RIMKLA: variants seen among roughly 807,000 people sequenced by gnomAD.
The protein encoded by RIMKLA is ribosomal modification protein rimK like family member A.
RIMKLA carries 14 observed loss-of-function variants against 32.7 expected under a neutral mutation model. The observed-to-expected ratio is 0.43, with a 90% CI of 0.28 to 0.67. The LOEUF is 0.67. Among genes scored for constraint, RIMKLA ranks in the 30% least tolerant of loss-of-function variants. RIMKLA has a pLI of 0.18. For synonymous variants in RIMKLA, 176 were observed against 204.1 expected, an observed-to-expected ratio of 0.86 and a Z score of 1.18; for missense variants, 410 against 519.0, an observed-to-expected ratio of 0.79 and a Z score of 2.04.
In RIMKLA at chr1:42,385,767, CTTTG is replaced by C. The variant is rs1394884802; in HGVS notation, c.163+4674_163+4677del. On this transcript the variant is annotated intron_variant, in intron 1 of 4. Coordinates refer to ENST00000431473, the MANE Select transcript of RIMKLA (RefSeq NM_173642.4). ...TCTTTCTTTCTTTCTTTCTTTCTTTCTTTGTTTCTTTGTTTGTTTGTTTCTTTCT... is the reference window on the plus strand; with the variant it reads ...TCTTTCTTTCTTTCTTTCTTTCTTTCTTTCTTTGTTTGTTTGTTTCTTTCT... Among the ~76,000 whole-genome samples, 59 of 73,714 alleles carry C rather than the reference CTTTG, an allele frequency of 8.0e-4. 2 individuals are homozygous for C. Among genetic ancestry groups the C allele is most frequent in the African/African-American group, 2.9e-3 (39 of 13,414 alleles). The allele number at this position is 73,714 out of a possible 152,430, so 48.4% of individuals were successfully genotyped here. A position where few individuals can be genotyped will look rare whatever the true frequency, so the allele number is the denominator to read the frequency against.
Position 42,380,920 on chromosome 1 carries a change from A to C in RIMKLA, c.-15A>C, listed in dbSNP as rs1253759133. On this transcript the variant is annotated 5_prime_UTR_variant, in exon 1 of 5. Coordinates refer to ENST00000431473, the MANE Select transcript of RIMKLA (RefSeq NM_173642.4). ...GAGGGGTCCGCGCCGCGCGGGGCGC[A>C]CCGCCCTGGCCGCCATGTGCTCCCA... 29 of 1,349,470 alleles carry C rather than the reference A, an allele frequency of 2.1e-5. No individual in the cohort carries two copies. The East Asian group carries it at 6.8e-4, about 32-fold the overall frequency. 83.6% of individuals were successfully genotyped at this position (1,349,470 alleles called of 1,614,324 possible).
At chr1:42,406,720 T>C (rs1643150228) in intron 3 of RIMKLA, among the ~76,000 whole-genome samples, 1 of 152,154 alleles carries the variant, frequency 6.6e-6, no homozygotes, top group South Asian at 2.1e-4. Context: ...ATTATAGCTA[T>C]CTAGTGAGTG....
At position 42,415,872 on chromosome 1, in the gene RIMKLA, C is replaced by T. The variant is rs1643242067; in HGVS notation, c.*898C>T. The stretch of plus-strand genomic sequence containing the variant: ...AGAAAGCTACTTGGAGATCATCATT[C>T]TTCCCCTCCTCTACTGAAACTTTGT... On this transcript the variant is annotated 3_prime_UTR_variant, in exon 5 of 5. Transcript: ENST00000431473. 1 of 152,214 alleles carries T rather than the reference C, an allele frequency of 6.6e-6. No homozygotes were observed. Among genetic ancestry groups the T allele is most frequent in the Non-Finnish European group, 1.5e-5 (1 of 68,042 alleles). 9.4% of individuals were successfully genotyped at this position (152,214 alleles called of 1,614,324 possible).
chr1:42,382,202 A>G (rs1384995346), intron 1 of RIMKLA, among the ~76,000 whole-genome samples: 5 of 152,222 alleles, frequency 3.3e-5, no homozygotes, highest in African/African-American at 7.2e-5. Context: ...ATCAGATTGT[A>G]TATCCTGTTG....
At position 42,416,025 on chromosome 1, in the gene RIMKLA, C is replaced by T. The variant is rs966734124; in HGVS notation, c.*1051C>T. 1.3e-5 allele frequency: 2 copies of T among 149,372 alleles called. No homozygotes were observed. The highest frequency in any genetic ancestry group is 6.9e-5 in the Admixed American group (1 of 14,590). 9.3% of individuals were successfully genotyped at this position (149,372 alleles called of 1,614,324 possible). A position where few individuals can be genotyped will look rare whatever the true frequency, so the allele number is the denominator to read the frequency against. On this transcript the variant is annotated 3_prime_UTR_variant, in exon 5 of 5. Coordinates refer to ENST00000431473, the MANE Select transcript of RIMKLA (RefSeq NM_173642.4). ...TTTTATCTAAGATCCAGACACCTGT[C>T]CTTACCCACTTTTCCAAACGGGGAA...
chr1:42,413,099 A>G (rs1015853347), intron 4 of RIMKLA, among the ~76,000 whole-genome samples: 3 of 151,970 alleles, frequency 2.0e-5, no homozygotes, highest in African/African-American at 4.8e-5. Context: ...GTGCCATTGC[A>G]CTCCAGCCTG....
rs1643264464 is a variant in RIMKLA, at chr1:42,418,021, A to G, written c.*3047A>G. Reference sequence around the variant, plus strand: ...CCCTGAGAAAGGAATGCAGCTTCTCAGAGGCCTCACTTCCAGCCAGGGAAA... The same window carrying G: ...CCCTGAGAAAGGAATGCAGCTTCTCGGAGGCCTCACTTCCAGCCAGGGAAA... On this transcript the variant is annotated 3_prime_UTR_variant, in exon 5 of 5. Transcript: ENST00000431473. The G allele has an allele frequency of 6.6e-6, 1 of 152,012 alleles. No individual in the cohort carries two copies. The highest frequency in any genetic ancestry group is 2.1e-4 in the South Asian group (1 of 4,826). The allele number at this position is 152,012 out of a possible 1,614,324, so 9.4% of individuals were successfully genotyped here. A position where few individuals can be genotyped will look rare whatever the true frequency, so the allele number is the denominator to read the frequency against.
chr1:42,385,717 C>CTCTTTCTTTCTTTCTTTCTTTCTTTCTT (rs35500484), intron 1 of RIMKLA, among the ~76,000 whole-genome samples: 1 of 109,040 alleles, frequency 9.2e-6, no homozygotes, highest in Non-Finnish European at 1.9e-5. Flanking sequence ...TTCTTTCCTT[C>CTCTTTCTTTCTTTCTTTCTTTCTTTCTT]TCTTTCTTTC....
intron 4 of RIMKLA, among the ~76,000 whole-genome samples, chr1:42,411,650 A>T (rs1016781766): frequency 4.8e-5 from 1 of 20,650 alleles, no homozygotes; most frequent in Non-Finnish European, 1.1e-4. Context: ...TATTTTTATT[A>T]TTTATTTATT....
rs1643237587 is a variant in RIMKLA at position 42,415,362 on chromosome 1, G to A, written c.*388G>A. 4 of 200,410 alleles carry A rather than the reference G, an allele frequency of 2.0e-5. No individual in the cohort carries two copies. The Admixed American group carries it at 2.1e-4, about 11-fold the overall frequency. The allele number at this position is 200,410 out of a possible 1,614,324, so 12.4% of individuals were successfully genotyped here. A position where few individuals can be genotyped will look rare whatever the true frequency, so the allele number is the denominator to read the frequency against. On this transcript the variant is annotated 3_prime_UTR_variant, in exon 5 of 5. Coordinates refer to ENST00000431473, the MANE Select transcript of RIMKLA (RefSeq NM_173642.4). Reference sequence around the variant, plus strand: ...GGATGGAAGCATGTGCAGACGAGGTGGAATGTGACTGCAGTAATAGGTTCT... The same window carrying A: ...GGATGGAAGCATGTGCAGACGAGGTAGAATGTGACTGCAGTAATAGGTTCT...
rs907128492 is a variant in RIMKLA, at chr1:42,410,054, G to A, written c.552G>A (p.Val184=). ...TCTGCCATCTGATCCGCCACGATGT[G>A]CCCTACCTGTTCCAGAAGTACGTGA... ...SDICHLIRHD[V]PYLFQKYVKE... Residue 184 remains valine (V), a synonymous_variant, in exon 4 of 5, where the codon GTG becomes GTA. Transcript: ENST00000431473. The A allele has an allele frequency of 6.2e-7, 1 of 1,614,140 alleles. No individual in the cohort carries two copies. Among genetic ancestry groups the A allele is most frequent in the Admixed American group, 1.7e-5 (1 of 60,016 alleles).
At chr1:42,406,800 T>C (rs1168804807) in intron 3 of RIMKLA, among the ~76,000 whole-genome samples, 2 of 152,264 alleles carry the variant, frequency 1.3e-5, no homozygotes, top group South Asian at 2.1e-4. Context: ...CATCTTTTCA[T>C]GTGCTTGTTG....
intron 3 of RIMKLA, among the ~76,000 whole-genome samples, chr1:42,409,175 C>T (rs1347650902): frequency 8.2e-6 from 1 of 122,580 alleles, no homozygotes; most frequent in Non-Finnish European, 1.6e-5. Flanking sequence ...GCACTATAGC[C>T]TGGGTGACAG....
intron 1 of RIMKLA, among the ~76,000 whole-genome samples, chr1:42,384,487 G>A (rs1239227560): frequency 2.7e-5 from 4 of 148,170 alleles, no homozygotes; most frequent in South Asian, 2.1e-4. Context: ...GTGTGTGTGT[G>A]TATATATATA....
At chr1:42,406,980 A>G (rs527263267) in intron 3 of RIMKLA, among the ~76,000 whole-genome samples, 1 of 151,066 alleles carries the variant, frequency 6.6e-6, no homozygotes, top group Non-Finnish European at 1.5e-5. Context: ...ATCTTGTCTC[A>G]CTGCAGCCTC....
intron 2 of RIMKLA, among the ~76,000 whole-genome samples, chr1:42,401,636 CA>C (rs1431761982): frequency 1.3e-5 from 2 of 151,910 alleles, no homozygotes; most frequent in Non-Finnish European, 2.9e-5. Context: ...TTGGGTTCAG[CA>C]AAAGGGAGTT....
chr1:42,398,513 G>T (rs1643066646), intron 1 of RIMKLA, among the ~76,000 whole-genome samples: 13 of 152,150 alleles, frequency 8.5e-5, no homozygotes, highest in Admixed American at 8.5e-4. Context: ...GACATTACCT[G>T]TAATTCCATT....
At chr1:42,412,000 GT>G (rs1643202919) in intron 4 of RIMKLA, among the ~76,000 whole-genome samples, 1 of 152,098 alleles carries the variant, frequency 6.6e-6, no homozygotes, top group Admixed American at 6.5e-5. Flanking sequence ...GTGCCAAAGT[GT>G]TGAACCTTGT....
chr1:42,399,568 A>T lies in RIMKLA; in HGVS notation c.328A>T (p.Asn110Tyr). The change falls in exon 2 of 5, where the codon AAC (asparagine) becomes TAC (tyrosine). Residue 110 changes from asparagine (N) to tyrosine (Y), a missense_variant. Coordinates refer to ENST00000431473, the MANE Select transcript of RIMKLA (RefSeq NM_173642.4). ...NRPQSILNCI[N>Y]KFWTFQELAG... ...CCCACAGAGCATCTTAAATTGCATC[A>T]ACAAATTCTGGACGTTCCAAGAACT... is the stretch of plus-strand genomic sequence containing the variant. The T allele has an allele frequency of 6.2e-7, 1 of 1,613,488 alleles. No homozygotes were observed. Among genetic ancestry groups the T allele is most frequent in the Non-Finnish European group, 8.5e-7 (1 of 1,179,810 alleles).
Sources: gnomAD v4.1 joint callset for allele counts (sites outside exome capture counted in the v4.1 genomes callset) on GRCh38, gnomAD v4.1.1 for gene constraint, MANE v1.5 for transcripts, NCBI Gene and HGNC (gene_info 2026-07-23, HGNC 2026-07-21) for gene names.